Variants in MECOM observed in about 807,000 individuals in gnomAD.
MECOM encodes histone-lysine N-methyltransferase MECOM.
In MECOM, 13 loss-of-function variants were observed where a neutral mutation model predicts 116.3. The ratio of observed to expected loss-of-function variants is 0.11; its 90% CI spans 0.07 to 0.18. MECOM has a LOEUF of 0.18. MECOM is among the 10% of genes least tolerant of loss of function. The pLI, the probability that MECOM is intolerant of heterozygous loss-of-function variation, is 1.00. For synonymous variants in MECOM, 528 were observed against 535.2 expected (o/e 0.99, Z 0.19); for missense variants, 1,299 against 1,509.0 (o/e 0.86, Z 2.31).
At chr3:169,641,656 T>A (rs1232890248) in intron 1 of MECOM, among the ~76,000 whole-genome samples, 3 of 152,248 alleles carry the variant, frequency 2.0e-5, no homozygotes, top group Admixed American at 6.5e-5. Context: ...CATTCTCCAA[T>A]GTATTAGCTC....
At chr3:169,395,257 A>G (rs1577969736) in intron 1 of MECOM, among the ~76,000 whole-genome samples, 2 of 152,180 alleles carry the variant, frequency 1.3e-5, no homozygotes, top group East Asian at 3.9e-4. Flanking sequence ...AGGATCCAGC[A>G]ATGTTTCTAG....
chr3:169,117,890 C>A (rs781281833), intron 7 of MECOM, among the ~76,000 whole-genome samples: 6 of 142,536 alleles, frequency 4.2e-5, no homozygotes, highest in Non-Finnish European at 7.8e-5. Flanking sequence ...TTTTACTTTA[C>A]GGGATTGAGC....
intron 1 of MECOM, among the ~76,000 whole-genome samples, chr3:169,563,459 T>C (rs1443275721): frequency 6.6e-6 from 1 of 152,240 alleles, no homozygotes; most frequent in Non-Finnish European, 1.5e-5. Context: ...CTTGAAAACA[T>C]CTTTTGTGAA....
Position 169,102,208 on chromosome 3 carries a change from T to C in MECOM, c.2623A>G (p.Met875Val). The C allele has an allele frequency of 1.2e-6, 2 of 1,613,112 alleles. No homozygotes were observed. The highest frequency in any genetic ancestry group is 8.5e-7 in the Non-Finnish European group (1 of 1,179,392). ...QRTWMSAIEN[M>V]AEKLESFSAL... ...CTGAAGCTCTCTAGCTTTTCTGCCA[T>C]GTTTTCAATAGCTGACATCTGAAAG... The change falls in exon 11 of 17, where the codon ATG becomes GTG. Residue 875 changes from methionine to valine, a missense_variant. Coordinates refer to ENST00000651503, the MANE Select transcript of MECOM (RefSeq NM_004991.4).
intron 1 of MECOM, among the ~76,000 whole-genome samples, chr3:169,596,270 GC>G (rs1292258361): frequency 3.3e-5 from 5 of 152,184 alleles, no homozygotes; most frequent in Admixed American, 3.3e-4. Context: ...TGTGCCAAGA[GC>G]TTTCTGTCCT....
chr3:169,215,889 A>T (rs369846685), intron 2 of MECOM, among the ~76,000 whole-genome samples: 4 of 152,350 alleles, frequency 2.6e-5, no homozygotes, highest in Admixed American at 1.3e-4. Context: ...CTCAGCTGGC[A>T]TCTAGCAGTT....
At chr3:169,160,212 A>G (rs901789349) in intron 2 of MECOM, among the ~76,000 whole-genome samples, 1 of 152,176 alleles carries the variant, frequency 6.6e-6, no homozygotes, top group Non-Finnish European at 1.5e-5. Context: ...TGATAGGAAT[A>G]CAAATTCATA....
intron 1 of MECOM, among the ~76,000 whole-genome samples, chr3:169,454,996 A>AT (rs1441307060): frequency 6.6e-6 from 1 of 152,170 alleles, no homozygotes; most frequent in Non-Finnish European, 1.5e-5. Flanking sequence ...AGCCATGTCT[A>AT]TGTAGTGTCA....
intron 1 of MECOM, among the ~76,000 whole-genome samples, chr3:169,461,695 G>C (rs993780621): frequency 2.6e-5 from 4 of 152,096 alleles, no homozygotes; most frequent in Non-Finnish European, 5.9e-5. Flanking sequence ...GTAAGTTATA[G>C]ACGCATATAA....
At chr3:169,085,797 T>G (rs1198307918) in intron 16 of MECOM, among the ~76,000 whole-genome samples, 1 of 152,208 alleles carries the variant, frequency 6.6e-6, no homozygotes, top group African/African-American at 2.4e-5. Context: ...CCTATTATCA[T>G]GTCAAATTTT....
intron 1 of MECOM, among the ~76,000 whole-genome samples, chr3:169,399,671 A>G (rs928738845): frequency 6.6e-6 from 1 of 152,374 alleles, no homozygotes; most frequent in Non-Finnish European, 1.5e-5. Flanking sequence ...ATTTCAAAGT[A>G]GATGGTGAGA....
At chr3:169,381,598 A>G in intron 1 of MECOM, 74 bp from the exon 2 acceptor site, 2 of 1,125,152 alleles carry the variant, frequency 1.8e-6, no homozygotes, top group Non-Finnish European at 2.5e-6. Context: ...TAGCCACCTT[A>G]TTATGTTGTT....
intron 1 of MECOM, among the ~76,000 whole-genome samples, chr3:169,463,496 A>G (rs1266123742): frequency 6.6e-6 from 1 of 152,174 alleles, no homozygotes; most frequent in Non-Finnish European, 1.5e-5. Context: ...TAAAGGATAA[A>G]ATGAACAAGG....
intron 16 of MECOM, among the ~76,000 whole-genome samples, chr3:169,087,840 G>T (rs144581002): frequency 2.2e-3 from 333 of 152,146 alleles, no homozygotes; most frequent in African/African-American, 7.6e-3. Context: ...TGAAGAAATG[G>T]TACCTATAGT....
intron 1 of MECOM, among the ~76,000 whole-genome samples, chr3:169,579,032 A>T (rs1764823205): frequency 6.6e-6 from 1 of 152,196 alleles, no homozygotes; most frequent in African/African-American, 2.4e-5. Flanking sequence ...GTTAATAACC[A>T]TTATTTAATT....
intron 2 of MECOM, among the ~76,000 whole-genome samples, chr3:169,264,915 A>T (rs1306313930): frequency 6.6e-6 from 1 of 152,168 alleles, no homozygotes; most frequent in Non-Finnish European, 1.5e-5. Flanking sequence ...ACTCTTGCCA[A>T]GATCCTGGCT....
intron 1 of MECOM, among the ~76,000 whole-genome samples, chr3:169,489,493 A>G (rs1025093659): frequency 2.6e-5 from 4 of 152,216 alleles, no homozygotes; most frequent in Admixed American, 2.0e-4. Flanking sequence ...AGATATCCTT[A>G]AAAAGATGTG....
At chr3:169,424,941 G>C (rs772850120) in intron 1 of MECOM, among the ~76,000 whole-genome samples, 2 of 151,784 alleles carry the variant, frequency 1.3e-5, no homozygotes, top group East Asian at 1.9e-4. Context: ...ACTTTGGAAG[G>C]GTTTCAGATT....
At chr3:169,429,716 G>A (rs750109563) in intron 1 of MECOM, among the ~76,000 whole-genome samples, 1 of 152,094 alleles carries the variant, frequency 6.6e-6, no homozygotes, top group Non-Finnish European at 1.5e-5. Context: ...ACACTTAATA[G>A]TTGCATACCT....
Sources: allele counts gnomAD v4.1 joint callset (sites outside exome capture counted in the v4.1 genomes callset), GRCh38; gene constraint gnomAD v4.1.1; transcripts MANE v1.5; gene names NCBI Gene and HGNC (gene_info 2026-07-23, HGNC 2026-07-21).